The following ZNF540 variants were observed in gnomAD, a reference collection of about 807,000 sequenced individuals.
The protein encoded by ZNF540 is zinc finger protein 540, also known as CTD-3064H18.6.
A neutral mutation model predicts 11.8 loss-of-function variants in ZNF540; 3 were observed. The ratio of observed to expected loss-of-function variants is 0.25; its 90% CI spans 0.12 to 0.65. ZNF540 has a LOEUF of 0.65. ZNF540 is among the 30% of genes least tolerant of loss of function. ZNF540 has a pLI of 0.83. For synonymous variants in ZNF540, 247 were observed against 259.0 expected, an observed-to-expected ratio of 0.95 and a Z score of 0.45; for missense variants, 709 against 793.1, an observed-to-expected ratio of 0.89 and a Z score of 1.27.
chr19:37,598,804 T>C (rs941199333), intron 2 of ZNF540, among the ~76,000 whole-genome samples: 23 of 160 alleles, frequency 0.14, no homozygotes, highest in Non-Finnish European at 0.21. Flanking sequence ...CCTGTGTCTG[T>C]AGATAAATGC....
At chr19:37,576,752 C>A (rs1178912043) in intron 1 of ZNF540, among the ~76,000 whole-genome samples, 3 of 152,040 alleles carry the variant, frequency 2.0e-5, no homozygotes, top group African/African-American at 7.2e-5. Flanking sequence ...ATAGCAAAGA[C>A]CCAAACTGGG....
intron 1 of ZNF540, among the ~76,000 whole-genome samples, chr19:37,571,799 AACTG>A (rs2043063104): frequency 6.6e-6 from 1 of 152,204 alleles, no homozygotes; most frequent in East Asian, 1.9e-4. Context: ...GGGCTAGCCT[AACTG>A]ACCTAGCCTT....
chr19:37,588,406 A>G (rs1477823719), intron 1 of ZNF540, among the ~76,000 whole-genome samples: 1 of 152,264 alleles, frequency 6.6e-6, no homozygotes, highest in East Asian at 1.9e-4. Context: ...TATCCTCTGC[A>G]GCAACACAGA....
intron 1 of ZNF540, among the ~76,000 whole-genome samples, 156 bp from the exon 2 acceptor site, chr19:37,598,220 C>T (rs1568365854): frequency 1.3e-5 from 2 of 152,124 alleles, no homozygotes; most frequent in South Asian, 2.1e-4. Context: ...AGCCAGGTTC[C>T]CTTGCTGTGG....
intron 1 of ZNF540, chr19:37,583,717 C>T (rs972383877): frequency 5.7e-6 from 2 of 350,460 alleles, no homozygotes; most frequent in African/African-American, 2.1e-5. Flanking sequence ...GGAAATGGTG[C>T]ATGGTCATGC....
intron 1 of ZNF540, among the ~76,000 whole-genome samples, chr19:37,573,201 GGAT>G (rs1435805136): frequency 6.6e-6 from 1 of 151,744 alleles, no homozygotes; most frequent in African/African-American, 2.4e-5. Flanking sequence ...TTTACTTAAT[GGAT>G]GATAACACAG....
At position 37,613,927 on chromosome 19, in the gene ZNF540, A is replaced by T. The variant is rs1682463289; in HGVS notation, c.*664A>T. On this transcript the variant is annotated 3_prime_UTR_variant, in exon 5 of 5. Coordinates refer to ENST00000316433, the MANE Select transcript of ZNF540 (RefSeq NM_001172225.3). ...CATGAGTGGAATTACTGCCTTTATA[A>T]GAAGAAGCCAAAGAGCCAGCTAGCT... 2.5e-6 allele frequency: 1 copy of T among 398,406 alleles called. No individual in the cohort carries two copies. Among genetic ancestry groups the T allele is most frequent in the African/African-American group, 2.1e-5 (1 of 48,612 alleles). The allele number at this position is 398,406 out of a possible 1,614,324, so 24.7% of individuals were successfully genotyped here.
At chr19:37,579,986 A>T (rs2043392389) in intron 1 of ZNF540, among the ~76,000 whole-genome samples, 1 of 152,212 alleles carries the variant, frequency 6.6e-6, no homozygotes, top group Non-Finnish European at 1.5e-5. Context: ...CCATTTGATT[A>T]TATAGAAATA....
chr19:37,581,792 A>G (rs1389703281), intron 1 of ZNF540, among the ~76,000 whole-genome samples: 1 of 151,414 alleles, frequency 6.6e-6, no homozygotes, highest in Non-Finnish European at 1.5e-5. Flanking sequence ...CTCCTGTGAA[A>G]AAAAAACAAA....
In ZNF540 at chr19:37,601,042, T is replaced by G. The variant is rs143450570; in HGVS notation, c.169T>G (p.Leu57Val). 2.1e-4 allele frequency: 335 copies of G among 1,591,324 alleles called. 1 individual carries two copies. The highest frequency in any genetic ancestry group is 1.6e-4 in the Middle Eastern group (1 of 6,064). ...TGGCTCAAAGCCAGATGTGATTACC[T>G]TACTGGAGCAAGGGAAAGAGCCCTG... is the stretch of plus-strand genomic sequence containing the variant. ...YSGSKPDVIT[L>V]LEQGKEPCVV... Residue 57 changes from leucine (L) to valine (V), a missense_variant, in exon 4 of 5, where the codon TTA becomes GTA. By Grantham distance (32) the Leu-to-Val change is conservative (BLOSUM62 1). Coordinates refer to ENST00000316433, the MANE Select transcript of ZNF540 (RefSeq NM_001172225.3).
At chr19:37,553,329 CACCATGTTGGCCAGGCTGGTCTCAAA>C (rs1439724682) in intron 1 of ZNF540, among the ~76,000 whole-genome samples, 4 of 151,398 alleles carry the variant, frequency 2.6e-5, no homozygotes, top group East Asian at 3.9e-4. Context: ...GATGGGGTTT[CACCATGTTGGCCAGGCTGGTCTCAAA>C]CTCCTGACTT....
chr19:37,586,833 T>G (rs1263867841), intron 1 of ZNF540: 1 of 765,904 alleles, frequency 1.3e-6, no homozygotes, highest in Admixed American at 2.7e-5. Flanking sequence ...TCTCCTCTTT[T>G]GGGAATTTGG....
chr19:37,599,818 AT>A (rs2044025311), intron 3 of ZNF540, 66 bp downstream of exon 3: 2 of 1,461,460 alleles, frequency 1.4e-6, no homozygotes, highest in Admixed American at 4.7e-5. Flanking sequence ...TCTTCCACAA[AT>A]TTAGGACTAA....
At chr19:37,564,854 C>T in intron 1 of ZNF540, 1 of 1,614,020 alleles carries the variant, frequency 6.2e-7, no homozygotes, top group Non-Finnish European at 8.5e-7. Context: ...TTTTTCACCT[C>T]TGTGAATTCT....
chr19:37,603,853 C>G (rs546037873), intron 4 of ZNF540, among the ~76,000 whole-genome samples: 17 of 152,102 alleles, frequency 1.1e-4, no homozygotes, highest in African/African-American at 3.4e-4. Flanking sequence ...ATGTTGATTC[C>G]TCTATATCAA....
chr19:37,564,823 A>G (rs752925868), intron 1 of ZNF540: 1 of 1,613,838 alleles, frequency 6.2e-7, no homozygotes, highest in African/African-American at 1.3e-5. Context: ...AAGCCTTCCC[A>G]CACTGTTTAC....
At chr19:37,598,746 T>C (rs2044015494) in intron 2 of ZNF540, among the ~76,000 whole-genome samples, 1 of 152,170 alleles carries the variant, frequency 6.6e-6, no homozygotes, top group South Asian at 2.1e-4. Flanking sequence ...AAACCAAGAA[T>C]GGAATCATTT....
chr19:37,593,481 A>G (rs923386273), upstream of ZNF540, among the ~76,000 whole-genome samples: 1 of 152,196 alleles, frequency 6.6e-6, no homozygotes, highest in Non-Finnish European at 1.5e-5. Context: ...AGGCGGGTGG[A>G]TCACGAGGTC....
intron 4 of ZNF540, among the ~76,000 whole-genome samples, chr19:37,603,605 T>C (rs2044057558): frequency 1.3e-5 from 2 of 152,210 alleles, no homozygotes; most frequent in Admixed American, 1.3e-4. Context: ...TTTTGAATAC[T>C]GGTGTTCAGT....
Sources: gnomAD v4.1 joint callset for allele counts (sites outside exome capture counted in the v4.1 genomes callset) on GRCh38, gnomAD v4.1.1 for gene constraint, MANE v1.5 for transcripts, NCBI Gene and HGNC (gene_info 2026-07-23, HGNC 2026-07-21) for gene names.